Variants in INHA observed in about 807,000 individuals in gnomAD.
The protein encoded by INHA is inhibin alpha chain.
A neutral mutation model predicts 21.3 loss-of-function variants in INHA; 8 were observed. The ratio of observed to expected loss-of-function variants is 0.38; its 90% CI spans 0.22 to 0.68. The LOEUF (loss-of-function observed/expected upper bound fraction) is 0.68. Ranked by LOEUF, INHA falls within the 30% of genes least tolerant of loss-of-function variation. INHA has a pLI of 0.53. For missense variants in INHA, 436 were observed against 465.8 expected (o/e 0.94, Z 0.59); for synonymous variants, 231 against 207.5 (o/e 1.11, Z -0.97).
At position 219,574,867 on chromosome 2, in the gene INHA, T is replaced by A. The variant is rs374088703; in HGVS notation, c.442T>A (p.Ser148Thr). The change falls in exon 2 of 2, where the codon TCT (serine) becomes ACT (threonine). Residue 148 changes from serine (S) to threonine (T), a missense_variant. Physicochemically the swap from Ser to Thr is moderately conservative, Grantham distance 58. Coordinates refer to ENST00000243786, the MANE Select transcript of INHA (RefSeq NM_002191.4). ...GCAGGGCACAGCAGCCTCCAATAGC[T>A]CTGAGCCCCTGCTAGGCCTGCTGGC... ...DRQGTAASNSSEPLLGLLALS... is the reference protein window; with the variant it reads ...DRQGTAASNSTEPLLGLLALS... 1 of 1,614,060 alleles carries A rather than the reference T, an allele frequency of 6.2e-7. No homozygotes were observed. The highest frequency in any genetic ancestry group is 8.5e-7 in the Non-Finnish European group (1 of 1,180,006).
At position 219,572,563 on chromosome 2, in the gene INHA, C is replaced by G. The variant is rs375003972; in HGVS notation, c.189C>G (p.Ala63=). ...TCAGGCGGCTGCCCCGAAGACATGC[C>G]CTGGGGGGCTTCACACACAGGGGCT... ...PGVRRLPRRH[A]LGGFTHRGSE... The change falls in exon 1 of 2, where the codon GCC becomes GCG. Residue 63 remains alanine, a synonymous_variant. Coordinates refer to ENST00000243786, the MANE Select transcript of INHA (RefSeq NM_002191.4). 17 of 1,566,130 alleles carry G rather than the reference C, an allele frequency of 1.1e-5. No homozygotes were observed. The highest frequency in any genetic ancestry group is 1.5e-5 in the Non-Finnish European group (17 of 1,154,948).
chr2:219,573,817 C>CA lies in INHA; in HGVS notation c.269-871dup, dbSNP rs201804137. ...GTGAACCCCGTCTCTACTAAAAATA[C>CA]AAAAAATTAGCCAGGCATGGTGGCA... is the stretch of plus-strand genomic sequence containing the variant. On this transcript the variant is annotated intron_variant, in intron 1 of 1. Coordinates refer to ENST00000243786, the MANE Select transcript of INHA (RefSeq NM_002191.4). Among the ~76,000 whole-genome samples the CA allele has an allele frequency of 9.0e-3, 1,362 of 151,908 alleles. 22 individuals are homozygous for CA. The highest frequency in any genetic ancestry group is 0.03 in the African/African-American group (1,262 of 41,430).
In INHA at chr2:219,575,102, G is replaced by A; in HGVS notation, c.677G>A (p.Gly226Glu). ...VAHTRTRPPS[G>E]GERARRSTPL... is the part of the protein sequence containing the mutation. ...CACACTCGGACCAGACCACCCAGTG[G>A]AGGGGAGAGAGCCCGACGCTCAACT... is the stretch of plus-strand genomic sequence containing the variant. The change falls in exon 2 of 2, where the codon GGA becomes GAA. Residue 226 changes from glycine to glutamate, a missense_variant. Coordinates refer to ENST00000243786, the MANE Select transcript of INHA (RefSeq NM_002191.4). 6.2e-7 allele frequency: 1 copy of A among 1,614,082 alleles called. No homozygotes were observed. Among genetic ancestry groups the A allele is most frequent in the South Asian group, 1.1e-5 (1 of 91,088 alleles).
rs1697502493 is a variant in INHA at position 219,575,383 on chromosome 2, TTGCTGCC to T, written c.959_965del (p.Leu320Ter). The T allele has an allele frequency of 6.2e-7, 1 of 1,613,936 alleles. No homozygotes were observed. Among genetic ancestry groups the T allele is most frequent in the Admixed American group, 1.7e-5 (1 of 60,004 alleles). ...CCCTACCCCAGCCCAGCCCTACTCC[TTGCTGCC>T]AGGGGCCCAGCCCTGCTGTGCTGCT... On this transcript the variant is annotated frameshift_variant, in exon 2 of 2. Coordinates refer to ENST00000243786, the MANE Select transcript of INHA (RefSeq NM_002191.4). LOFTEE classifies it high-confidence loss of function.
chr2:219,575,632 C>T lies in INHA; in HGVS notation c.*106C>T. On this transcript the variant is annotated 3_prime_UTR_variant, in exon 2 of 2. Coordinates refer to ENST00000243786, the MANE Select transcript of INHA (RefSeq NM_002191.4). ...GGAAATAGATGGCTCCCACTCCTCC[C>T]TCCTTTCACTTCTCTGCCTATGGGC... The T allele has an allele frequency of 3.4e-6, 3 of 893,072 alleles. No individual in the cohort carries two copies. In the South Asian group the frequency reaches 4.1e-5, roughly 12 times the overall value. 55.3% of individuals were successfully genotyped at this position (893,072 alleles called of 1,614,324 possible). A position where few individuals can be genotyped will look rare whatever the true frequency, so the allele number is the denominator to read the frequency against.
In INHA at chr2:219,575,038, T is replaced by C; in HGVS notation, c.613T>C (p.Cys205Arg). Reference protein sequence around the residue: ...VLLLRCPLCTCSARPEATPFL... With the variant: ...VLLLRCPLCTRSARPEATPFL... The stretch of plus-strand genomic sequence containing the variant: ...GCTGCTGCGCTGTCCCCTCTGTACC[T>C]GCTCAGCCCGGCCTGAGGCCACGCC... The change falls in exon 2 of 2, where the codon TGC becomes CGC. Residue 205 changes from cysteine (C) to arginine (R), a missense_variant. Transcript: ENST00000243786. The C allele has an allele frequency of 6.2e-7, 1 of 1,613,424 alleles. No individual in the cohort carries two copies. Among genetic ancestry groups the C allele is most frequent in the Non-Finnish European group, 8.5e-7 (1 of 1,180,034 alleles).
chr2:219,575,128 C>A lies in INHA; in HGVS notation c.703C>A (p.Pro235Thr), dbSNP rs1345886226. The A allele has an allele frequency of 1.2e-6, 2 of 1,614,202 alleles. No individual in the cohort carries two copies. The highest frequency in any genetic ancestry group is 1.7e-6 in the Non-Finnish European group (2 of 1,180,038). ...AGGGGAGAGAGCCCGACGCTCAACT[C>A]CCCTGATGTCCTGGCCTTGGTCTCC... is the stretch of plus-strand genomic sequence containing the variant. ...SGGERARRST[P>T]LMSWPWSPSA... Residue 235 changes from proline to threonine, a missense_variant, in exon 2 of 2, where the codon CCC becomes ACC. Physicochemically the swap from Pro to Thr is conservative, Grantham distance 38 (BLOSUM62 -1). Transcript: ENST00000243786.
chr2:219,575,586 C>G lies in INHA; in HGVS notation c.*60C>G, dbSNP rs1246081857. 2 of 1,389,496 alleles carry G rather than the reference C, an allele frequency of 1.4e-6. No homozygotes were observed. The highest frequency in any genetic ancestry group is 2.0e-6 in the Non-Finnish European group (2 of 983,002). 86.1% of individuals were successfully genotyped at this position (1,389,496 alleles called of 1,614,324 possible). A position where few individuals can be genotyped will look rare whatever the true frequency, so the allele number is the denominator to read the frequency against. On this transcript the variant is annotated 3_prime_UTR_variant, in exon 2 of 2. Transcript: ENST00000243786. ...GTGGCCACGCCCCCACCATCATCAGCTGGGAGGAAAGGCAGAGTTGGGAAA... is the reference window on the plus strand; with the variant it reads ...GTGGCCACGCCCCCACCATCATCAGGTGGGAGGAAAGGCAGAGTTGGGAAA...
chr2:219,574,579 G>A lies in INHA; in HGVS notation c.269-115G>A. Reference sequence around the variant, plus strand: ...CCCACGTCCCGGAGGGCGTGGAGCAGAGTGCAGCCCATCATTGGCTCATGA... The same window carrying A: ...CCCACGTCCCGGAGGGCGTGGAGCAAAGTGCAGCCCATCATTGGCTCATGA... On this transcript the variant is annotated intron_variant, in intron 1 of 1. Transcript: ENST00000243786. The A allele has an allele frequency of 3.6e-6, 3 of 831,764 alleles. No individual in the cohort carries two copies. The South Asian group carries it at 5.0e-5, about 14-fold the overall frequency. 51.5% of individuals were successfully genotyped at this position (831,764 alleles called of 1,614,324 possible).
rs1201071813 is a variant in INHA at position 219,575,231 on chromosome 2, TCTC to T, written c.809_811del (p.Ser270del). The T allele has an allele frequency of 2.5e-6, 4 of 1,614,056 alleles. No individual in the cohort carries two copies. Among genetic ancestry groups the T allele is most frequent in the African/African-American group, 2.7e-5 (2 of 74,920 alleles). ...AACTGCCACAGAGTAGCACTGAACA[TCTC>T]CTTCCAGGAGCTGGGCTGGGAACGG... On this transcript the variant is annotated inframe_deletion, in exon 2 of 2. Coordinates refer to ENST00000243786, the MANE Select transcript of INHA (RefSeq NM_002191.4).
At chr2:219,573,918 GC>G (rs1363031505) in intron 1 of INHA, among the ~76,000 whole-genome samples, 4 of 149,848 alleles carry the variant, frequency 2.7e-5, no homozygotes, top group Admixed American at 6.7e-5. Context: ...GTTGCAGTGA[GC>G]CGAGATGGCG....
chr2:219,572,406 T>C lies in INHA; in HGVS notation c.32T>C (p.Leu11Pro), dbSNP rs1559164673. The C allele has an allele frequency of 6.2e-7, 1 of 1,614,072 alleles. No individual in the cohort carries two copies. Among genetic ancestry groups the C allele is most frequent in the East Asian group, 2.2e-5 (1 of 44,880 alleles). Reference protein sequence around the residue: MVLHLLLFLLLTPQGGHSCQG... With the variant: MVLHLLLFLLPTPQGGHSCQG... The stretch of plus-strand genomic sequence containing the variant: ...CTGCACCTACTGCTCTTCTTGCTGC[T>C]GACCCCACAGGGTGGGCACAGCTGC... The change falls in exon 1 of 2, where the codon CTG becomes CCG. Residue 11 changes from leucine to proline, a missense_variant. By Grantham distance (98) the Leu-to-Pro change is moderately conservative (BLOSUM62 -3). Coordinates refer to ENST00000243786, the MANE Select transcript of INHA (RefSeq NM_002191.4).
chr2:219,572,597 G>T lies in INHA; in HGVS notation c.223G>T (p.Glu75Ter), dbSNP rs528720477. 6.4e-7 allele frequency: 1 copy of T among 1,553,160 alleles called. No individual in the cohort carries two copies. Among genetic ancestry groups the T allele is most frequent in the Non-Finnish European group, 8.7e-7 (1 of 1,147,840 alleles). The change falls in exon 1 of 2, where the codon GAG becomes TAG. Residue 75 changes from glutamate (E) to a stop codon, truncating the protein, a stop_gained. Coordinates refer to ENST00000243786, the MANE Select transcript of INHA (RefSeq NM_002191.4). LOFTEE classifies it high-confidence loss of function. Reference protein sequence around the residue: ...GGFTHRGSEPEEEEDVSQAIL... With the variant: ...GGFTHRGSEP ...CTTCACACACAGGGGCTCTGAGCCC[G>T]AGGAAGAGGAGGATGTCTCCCAAGC... is the stretch of plus-strand genomic sequence containing the variant.
rs771692276 is a variant in INHA, at chr2:219,575,341, C to G, written c.916C>G (p.Pro306Ala). The G allele has an allele frequency of 1.9e-6, 3 of 1,614,238 alleles. No homozygotes were observed. In the Admixed American group the frequency reaches 5.0e-5, roughly 27 times the overall value. Residue 306 changes from proline (P) to alanine (A), a missense_variant, in exon 2 of 2, where the codon CCA (proline) becomes GCA (alanine). Pro to Ala is a conservative substitution (Grantham distance 27). Coordinates refer to ENST00000243786, the MANE Select transcript of INHA (RefSeq NM_002191.4). ...GLHIPPNLSL[P>A]VPGAPPTPAQ... is the part of the protein sequence containing the mutation. The stretch of plus-strand genomic sequence containing the variant: ...GCACATCCCACCAAACCTGTCCCTT[C>G]CAGTCCCTGGGGCTCCCCCTACCCC...
At chr2:219,572,984 G>A (rs982299921) in intron 1 of INHA, among the ~76,000 whole-genome samples, 1 of 152,232 alleles carries the variant, frequency 6.6e-6, no homozygotes, top group African/African-American at 2.4e-5. Context: ...TCTGCTCGCT[G>A]CTCCAAACCC....
Position 219,572,390 on chromosome 2 carries a change from C to G in INHA, c.16C>G (p.Leu6Val), listed in dbSNP as rs772729799. Residue 6 changes from leucine to valine, a missense_variant, in exon 1 of 2, where the codon CTG becomes GTG. Coordinates refer to ENST00000243786, the MANE Select transcript of INHA (RefSeq NM_002191.4). ...CAGGTGAGCTATGGTGCTGCACCTACTGCTCTTCTTGCTGCTGACCCCACA... is the reference window on the plus strand; with the variant it reads ...CAGGTGAGCTATGGTGCTGCACCTAGTGCTCTTCTTGCTGCTGACCCCACA... MVLHL[L>V]LFLLLTPQGG... The G allele has an allele frequency of 1.9e-5, 31 of 1,613,868 alleles. No individual in the cohort carries two copies. The highest frequency in any genetic ancestry group is 2.7e-5 in the African/African-American group (2 of 74,942).
rs969160732 is a variant in INHA at position 219,572,551 on chromosome 2, C to T, written c.177C>T (p.Pro59=). The T allele has an allele frequency of 6.3e-7, 1 of 1,575,126 alleles. No individual in the cohort carries two copies. Among genetic ancestry groups the T allele is most frequent in the African/African-American group, 1.4e-5 (1 of 74,068 alleles). The part of the protein sequence containing the change: ...EGGDPGVRRL[P]RRHALGGFTH... ...GGGACCCTGGAGTCAGGCGGCTGCC[C>T]CGAAGACATGCCCTGGGGGGCTTCA... The change falls in exon 1 of 2, where the codon CCC becomes CCT. Residue 59 remains proline, a synonymous_variant. Coordinates refer to ENST00000243786, the MANE Select transcript of INHA (RefSeq NM_002191.4).
At position 219,574,734 on chromosome 2, in the gene INHA, C is replaced by T. The variant is rs768533468; in HGVS notation, c.309C>T (p.Ala103=). ...CEDKSAARGL[A]QEAEEGLFRY... ...ACAAGTCAGCTGCCAGAGGGCTGGC[C>T]CAGGAGGCTGAGGAGGGCCTCTTCA... The change falls in exon 2 of 2, where the codon GCC becomes GCT. Residue 103 remains alanine, a synonymous_variant. Coordinates refer to ENST00000243786, the MANE Select transcript of INHA (RefSeq NM_002191.4). 5 of 1,613,850 alleles carry T rather than the reference C, an allele frequency of 3.1e-6. No individual in the cohort carries two copies. Among genetic ancestry groups the T allele is most frequent in the Non-Finnish European group, 4.2e-6 (5 of 1,179,952 alleles).
chr2:219,572,457 T>G lies in INHA; in HGVS notation c.83T>G (p.Leu28Arg), dbSNP rs977254603. ...SCQGLELARE[L>R]VLAKVRALFL... ...CAGGGGCTGGAGCTGGCCCGGGAAC[T>G]TGTTCTGGCCAAGGTGAGGGCCCTG... is the stretch of plus-strand genomic sequence containing the variant. Residue 28 changes from leucine (L) to arginine (R), a missense_variant, in exon 1 of 2, where the codon CTT becomes CGT. By Grantham distance (102) the Leu-to-Arg change is moderately radical (BLOSUM62 -2). Transcript: ENST00000243786. 4 of 1,613,898 alleles carry G rather than the reference T, an allele frequency of 2.5e-6. No individual in the cohort carries two copies. Among genetic ancestry groups the G allele is most frequent in the Non-Finnish European group, 3.4e-6 (4 of 1,179,994 alleles).
Sources: gnomAD v4.1 joint callset for allele counts (sites outside exome capture counted in the v4.1 genomes callset) on GRCh38, gnomAD v4.1.1 for gene constraint, MANE v1.5 for transcripts, NCBI Gene and HGNC (gene_info 2026-07-23, HGNC 2026-07-21) for gene names.